The following RNFT2 variants were observed in gnomAD, a reference collection of about 807,000 sequenced individuals.
RNFT2 encodes E3 ubiquitin-protein ligase RNFT2.
A neutral mutation model predicts 53.0 loss-of-function variants in RNFT2; 36 were observed. The observed-to-expected ratio is 0.68, with a 90% CI of 0.52 to 0.90. The LOEUF (loss-of-function observed/expected upper bound fraction) is 0.90. RNFT2 is among the 40% of genes least tolerant of loss of function. The probability of loss-of-function intolerance (pLI) is 0.00; values close to 1 mark genes in which losing one functional copy is unlikely to be tolerated. For synonymous variants in RNFT2, 260 were observed against 253.2 expected (o/e 1.03, Z -0.26); for missense variants, 514 against 585.6 (o/e 0.88, Z 1.26).
At chr12:116,839,029 T>C (rs1877116201) in intron 10 of RNFT2, among the ~76,000 whole-genome samples, 1 of 152,244 alleles carries the variant, frequency 6.6e-6, no homozygotes, top group African/African-American at 2.4e-5. Flanking sequence ...AACAAATGAA[T>C]GAATGACTTG....
chr12:116,826,707 T>G (rs1379685954), intron 7 of RNFT2, among the ~76,000 whole-genome samples: 3 of 152,190 alleles, frequency 2.0e-5, no homozygotes, highest in Admixed American at 2.0e-4. Context: ...CTTCAGCGTT[T>G]CAACTCTCCT....
chr12:116,762,208 G>A (rs571573328), intron 5 of RNFT2, among the ~76,000 whole-genome samples: 58 of 151,806 alleles, frequency 3.8e-4, no homozygotes, highest in Admixed American at 3.4e-3. Flanking sequence ...GTGAAACCCC[G>A]TCTCTACTAA....
chr12:116,761,435 A>C (rs889845989), intron 5 of RNFT2, among the ~76,000 whole-genome samples: 1 of 152,190 alleles, frequency 6.6e-6, no homozygotes, highest in Admixed American at 6.5e-5. Context: ...GGCGTGAGCC[A>C]CCATGCCTGG....
At chr12:116,799,150 C>G (rs749768243) in intron 7 of RNFT2, among the ~76,000 whole-genome samples, 1 of 152,152 alleles carries the variant, frequency 6.6e-6, no homozygotes, top group Admixed American at 6.6e-5. Context: ...ACTTGAGGTC[C>G]TCCATCCTTG....
At chr12:116,766,542 T>G (rs1356639915) in intron 5 of RNFT2, among the ~76,000 whole-genome samples, 1 of 152,238 alleles carries the variant, frequency 6.6e-6, no homozygotes, top group Non-Finnish European at 1.5e-5. Flanking sequence ...TTTGAATGTG[T>G]GCCATGCTGC....
At chr12:116,847,701 A>G (rs1234719340) in intron 10 of RNFT2, among the ~76,000 whole-genome samples, 1 of 151,704 alleles carries the variant, frequency 6.6e-6, no homozygotes, top group Non-Finnish European at 1.5e-5. Context: ...CTAATTTTGT[A>G]TTTTTAGTAG....
At chr12:116,758,173 GA>G (rs756398598) in intron 5 of RNFT2, among the ~76,000 whole-genome samples, 16 of 152,186 alleles carry the variant, frequency 1.1e-4, no homozygotes, top group Non-Finnish European at 2.1e-4. Context: ...CCATTTGCAT[GA>G]AATGCCTTTT....
intron 7 of RNFT2, among the ~76,000 whole-genome samples, chr12:116,811,033 T>C (rs1415401401): frequency 6.6e-6 from 1 of 152,208 alleles, no homozygotes; most frequent in Non-Finnish European, 1.5e-5. Context: ...GGTTCCACCA[T>C]TTCCATCAGT....
At chr12:116,747,407 C>G (rs1871950248) in intron 3 of RNFT2, among the ~76,000 whole-genome samples, 2 of 152,074 alleles carry the variant, frequency 1.3e-5, no homozygotes, top group Non-Finnish European at 2.9e-5. Flanking sequence ...TGGCACATGC[C>G]TATAATCCCA....
chr12:116,761,538 A>C (rs1872691946), intron 5 of RNFT2, among the ~76,000 whole-genome samples: 1 of 152,124 alleles, frequency 6.6e-6, no homozygotes, highest in East Asian at 1.9e-4. Flanking sequence ...ATCCTCCTGC[A>C]TGTCCTCTGT....
rs1284095105 is a variant in RNFT2, at chr12:116,851,667, G to T, written c.*2219G>T. On this transcript the variant is annotated 3_prime_UTR_variant, in exon 11 of 11. Transcript: ENST00000257575. ...AGGCAGGGAGAACTGCTTGAACTCGGGAGGTGAAAGTTGCAGTGAGCCGAG... is the reference window on the plus strand; with the variant it reads ...AGGCAGGGAGAACTGCTTGAACTCGTGAGGTGAAAGTTGCAGTGAGCCGAG... The T allele has an allele frequency of 3.1e-6, 2 of 639,186 alleles. No individual in the cohort carries two copies. The highest frequency in any genetic ancestry group is 1.9e-5 in the South Asian group (1 of 53,864). The allele number at this position is 639,186 out of a possible 1,614,324, so 39.6% of individuals were successfully genotyped here.
At chr12:116,839,181 G>A (rs1156796179) in intron 10 of RNFT2, among the ~76,000 whole-genome samples, 2 of 152,084 alleles carry the variant, frequency 1.3e-5, no homozygotes, top group East Asian at 1.9e-4. Context: ...AGTTCATTTG[G>A]TAATTAGATG....
intron 6 of RNFT2, among the ~76,000 whole-genome samples, chr12:116,768,940 A>G (rs1873046912): frequency 6.6e-6 from 1 of 152,100 alleles, no homozygotes; most frequent in Non-Finnish European, 1.5e-5. Context: ...CATATTGGCC[A>G]GGCTGGTCTC....
At chr12:116,785,447 A>C (rs1873895637) in intron 7 of RNFT2, among the ~76,000 whole-genome samples, 1 of 151,968 alleles carries the variant, frequency 6.6e-6, no homozygotes, top group African/African-American at 2.4e-5. Context: ...GTGCACCACC[A>C]AGCCTGGCTA....
chr12:116,817,832 G>C (rs1875766134), intron 7 of RNFT2, among the ~76,000 whole-genome samples: 1 of 152,198 alleles, frequency 6.6e-6, no homozygotes, highest in Admixed American at 6.5e-5. Flanking sequence ...AAATATTTCA[G>C]TGTCATATTA....
intron 10 of RNFT2, among the ~76,000 whole-genome samples, chr12:116,843,603 C>G (rs1054084652): frequency 4.6e-5 from 7 of 152,016 alleles, no homozygotes; most frequent in Non-Finnish European, 1.0e-4. Context: ...TCCTTCCCAG[C>G]TGAGAAAGGG....
chr12:116,803,731 A>G (rs889031301), intron 7 of RNFT2, among the ~76,000 whole-genome samples: 4 of 152,192 alleles, frequency 2.6e-5, no homozygotes, highest in African/African-American at 7.2e-5. Context: ...TCATAGGACA[A>G]TTTCTCAACT....
At chr12:116,810,061 AT>A (rs1875295455) in intron 7 of RNFT2, among the ~76,000 whole-genome samples, 1 of 152,184 alleles carries the variant, frequency 6.6e-6, no homozygotes, top group African/African-American at 2.4e-5. Context: ...TTTCTCATGC[AT>A]TCATTCTGCA....
At chr12:116,748,044 G>A (rs780594813) in intron 3 of RNFT2, among the ~76,000 whole-genome samples, 23 of 152,032 alleles carry the variant, frequency 1.5e-4, no homozygotes, top group Non-Finnish European at 2.9e-4. Context: ...ACAAAAATTA[G>A]CCGCACATGA....
Sources: allele counts gnomAD v4.1 joint callset (sites outside exome capture counted in the v4.1 genomes callset), GRCh38; gene constraint gnomAD v4.1.1; transcripts MANE v1.5; gene names NCBI Gene and HGNC (gene_info 2026-07-23, HGNC 2026-07-21).